Variants in GABBR2 observed in about 807,000 individuals in gnomAD.
The protein encoded by GABBR2 is G-protein coupled receptor 51.
GABBR2 carries 23 observed loss-of-function variants against 105.6 expected under a neutral mutation model. That is an observed-to-expected ratio of 0.22 (90% CI 0.16 to 0.31). The LOEUF (loss-of-function observed/expected upper bound fraction) is 0.31, where lower values mean the gene tolerates loss of function less well. GABBR2 is among the 10% of genes least tolerant of loss of function. The pLI is 1.00. For missense variants in GABBR2, 734 were observed against 1,245.5 expected (o/e 0.59, Z 6.18); for synonymous variants, 478 against 499.7 (o/e 0.96, Z 0.58).
intron 11 of GABBR2, among the ~76,000 whole-genome samples, chr9:98,382,414 C>T (rs1407165468): frequency 3.9e-5 from 6 of 151,968 alleles, no homozygotes; most frequent in Admixed American, 2.6e-4. Flanking sequence ...CCCAGGTTCA[C>T]GCCATTCTCC....
At chr9:98,675,044 G>A (rs889456506) in intron 1 of GABBR2, among the ~76,000 whole-genome samples, 1 of 152,196 alleles carries the variant, frequency 6.6e-6, no homozygotes, top group Non-Finnish European at 1.5e-5. Context: ...TTCACAGGAA[G>A]CATGTGTCTT....
chr9:98,518,877 G>A (rs1018361795), intron 3 of GABBR2, among the ~76,000 whole-genome samples: 15 of 152,200 alleles, frequency 9.9e-5, no homozygotes, highest in Admixed American at 8.5e-4. Context: ...GGAGGGAGCG[G>A]TGGTCTAGGT....
chr9:98,453,184 G>A (rs531159207), intron 7 of GABBR2, among the ~76,000 whole-genome samples: 4 of 152,206 alleles, frequency 2.6e-5, no homozygotes, highest in East Asian at 1.9e-4. Flanking sequence ...GTGCCACCAC[G>A]CCCAGCTAAT....
chr9:98,597,234 G>A (rs747393498), intron 1 of GABBR2, among the ~76,000 whole-genome samples: 3 of 152,150 alleles, frequency 2.0e-5, no homozygotes, highest in Non-Finnish European at 4.4e-5. Context: ...CAAAAAATGT[G>A]TGTGTTCTCC....
Position 98,299,109 on chromosome 9 carries a change from A to T in GABBR2, c.2542+115T>A. Reference sequence around the variant, plus strand: ...GCTCCAGCTCTGTGTGTGTGACTTCATACCAGTCCTGTGCCCTGTCTGAGC... The same window carrying T: ...GCTCCAGCTCTGTGTGTGTGACTTCTTACCAGTCCTGTGCCCTGTCTGAGC... On this transcript the variant is annotated intron_variant, in intron 17 of 18. Transcript: ENST00000259455. 3.4e-6 allele frequency: 3 copies of T among 871,292 alleles called. No homozygotes were observed. The South Asian group carries it at 4.5e-5, about 13-fold the overall frequency. The allele number at this position is 871,292 out of a possible 1,614,324, so 54.0% of individuals were successfully genotyped here.
At chr9:98,313,919 A>C (rs1161213981) in intron 13 of GABBR2, among the ~76,000 whole-genome samples, 2 of 152,092 alleles carry the variant, frequency 1.3e-5, no homozygotes, top group Non-Finnish European at 2.9e-5. Flanking sequence ...TCCCACGTGA[A>C]AGCAGGAGGA....
chr9:98,466,945 C>T (rs1588176618), intron 6 of GABBR2, among the ~76,000 whole-genome samples: 1 of 152,312 alleles, frequency 6.6e-6, no homozygotes, highest in East Asian at 1.9e-4. Flanking sequence ...TCAAGGTCAC[C>T]TTGTACCTAA....
At chr9:98,352,184 C>T (rs756202425) in intron 13 of GABBR2, among the ~76,000 whole-genome samples, 2 of 152,226 alleles carry the variant, frequency 1.3e-5, no homozygotes, top group Non-Finnish European at 2.9e-5. Context: ...GGACACCAGG[C>T]AAGCTGGTCC....
intron 12 of GABBR2, among the ~76,000 whole-genome samples, chr9:98,371,242 C>G (rs1308223738): frequency 6.6e-6 from 1 of 152,106 alleles, no homozygotes; most frequent in African/African-American, 2.4e-5. Flanking sequence ...GTTTCGTACC[C>G]CAGCACCCCC....
At chr9:98,589,615 T>A (rs910481507) in intron 1 of GABBR2, among the ~76,000 whole-genome samples, 2 of 152,144 alleles carry the variant, frequency 1.3e-5, no homozygotes, top group Non-Finnish European at 2.9e-5. Context: ...TGCCTTACAT[T>A]TTAAAAAGTG....
intron 8 of GABBR2, among the ~76,000 whole-genome samples, chr9:98,398,466 T>TA (rs1398775308): frequency 6.6e-6 from 1 of 152,048 alleles, no homozygotes; most frequent in African/African-American, 2.4e-5. Context: ...GGGGGCTGCA[T>TA]GGGAGATCTC....
chr9:98,339,777 C>A (rs375429952), intron 13 of GABBR2, among the ~76,000 whole-genome samples: 1 of 152,110 alleles, frequency 6.6e-6, no homozygotes, highest in Non-Finnish European at 1.5e-5. Context: ...GAAACACAAC[C>A]CTCCCTCCCC....
intron 2 of GABBR2, among the ~76,000 whole-genome samples, chr9:98,576,675 A>ATT (rs1489875717): frequency 2.6e-5 from 4 of 152,246 alleles, no homozygotes; most frequent in Non-Finnish European, 5.9e-5. Context: ...GGATTTAAAA[A>ATT]TTAAAAGAGT....
chr9:98,615,389 T>G (rs569645136), intron 1 of GABBR2, among the ~76,000 whole-genome samples: 1 of 152,198 alleles, frequency 6.6e-6, no homozygotes, highest in Non-Finnish European at 1.5e-5. Flanking sequence ...TCCACAGAAG[T>G]GAAGTTCTAC....
intron 4 of GABBR2, among the ~76,000 whole-genome samples, chr9:98,486,706 T>G (rs1827059357): frequency 1.3e-5 from 2 of 152,226 alleles, no homozygotes; most frequent in South Asian, 4.1e-4. Context: ...CTAAGGCAGC[T>G]GAGCTGTTAG....
At chr9:98,429,091 T>A (rs1174337062) in intron 7 of GABBR2, among the ~76,000 whole-genome samples, 1 of 151,374 alleles carries the variant, frequency 6.6e-6, no homozygotes, top group Admixed American at 6.6e-5. Flanking sequence ...TTTTATTTCA[T>A]GATTAAATTA....
intron 2 of GABBR2, among the ~76,000 whole-genome samples, chr9:98,567,579 T>C (rs1236246837): frequency 6.6e-6 from 1 of 152,190 alleles, no homozygotes; most frequent in African/African-American, 2.4e-5. Flanking sequence ...CAGGGCCCGG[T>C]TGGCATCACA....
chr9:98,429,360 T>C (rs564697899), intron 7 of GABBR2, among the ~76,000 whole-genome samples: 12 of 152,164 alleles, frequency 7.9e-5, no homozygotes, highest in African/African-American at 2.9e-4. Flanking sequence ...AGGCTGGTCT[T>C]GGACTCCTGA....
At chr9:98,476,927 C>T (rs1310683116) in intron 5 of GABBR2, among the ~76,000 whole-genome samples, 1 of 152,210 alleles carries the variant, frequency 6.6e-6, no homozygotes, top group African/African-American at 2.4e-5. Context: ...TGAGGCTCTC[C>T]TGCAAGGGAG....
Sources: gnomAD v4.1 joint callset for allele counts (sites outside exome capture counted in the v4.1 genomes callset) on GRCh38, gnomAD v4.1.1 for gene constraint, MANE v1.5 for transcripts, NCBI Gene and HGNC (gene_info 2026-07-23, HGNC 2026-07-21) for gene names.